The following MYO18B variants were observed in gnomAD, a reference collection of about 807,000 sequenced individuals.
The protein encoded by MYO18B is myosin XVIIIB, also known as unconventional myosin-XVIIIb.
In MYO18B, 204 loss-of-function variants were observed where a neutral mutation model predicts 273.0. The ratio of observed to expected loss-of-function variants is 0.75; its 90% CI spans 0.67 to 0.84. MYO18B has a LOEUF of 0.84. MYO18B is among the 40% of genes least tolerant of loss of function. The pLI is 0.00. For synonymous variants in MYO18B, 1,330 were observed against 1,305.7 expected (o/e 1.02, Z -0.40); for missense variants, 3,212 against 3,287.6 (o/e 0.98, Z 0.56).
In MYO18B at chr22:25,769,187, C is replaced by G; in HGVS notation, c.1271C>G (p.Thr424Arg). ...KGCEAPKEVS[T>R]MVESPAAPGK... Reference sequence around the variant, plus strand: ...TGTGAAGCCCCAAAGGAGGTGAGCACAATGGTGGAGTCGCCAGCAGCTCCT... The same window carrying G: ...TGTGAAGCCCCAAAGGAGGTGAGCAGAATGGTGGAGTCGCCAGCAGCTCCT... Residue 424 changes from threonine (T) to arginine (R), a missense_variant, in exon 4 of 44, where the codon ACA (threonine) becomes AGA (arginine). Thr to Arg is a moderately conservative substitution (Grantham distance 71). Coordinates refer to ENST00000335473, the MANE Select transcript of MYO18B (RefSeq NM_032608.7). The G allele has an allele frequency of 6.2e-7, 1 of 1,611,036 alleles. No homozygotes were observed. The highest frequency in any genetic ancestry group is 8.5e-7 in the Non-Finnish European group (1 of 1,178,754).
chr22:26,023,806 T>C (rs1347481943), intron 42 of MYO18B, among the ~76,000 whole-genome samples: 5 of 152,322 alleles, frequency 3.3e-5, no homozygotes, highest in Non-Finnish European at 7.3e-5. Context: ...TCCAAGCTGT[T>C]TATTAATAAA....
At chr22:26,052,304 T>A in the MYO18B span, among the ~76,000 whole-genome samples, 1 of 152,316 alleles carries the variant, frequency 6.6e-6, no homozygotes, top group South Asian at 2.1e-4. Flanking sequence ...TATTGATAAT[T>A]TCATACATTA....
At chr22:25,836,479 G>A (rs979249440) in intron 17 of MYO18B, among the ~76,000 whole-genome samples, 2 of 152,134 alleles carry the variant, frequency 1.3e-5, no homozygotes. Context: ...AGCAGCATAC[G>A]CAGCTTTATG....
chr22:25,769,234 A>G lies in MYO18B; in HGVS notation c.1318A>G (p.Ser440Gly), dbSNP rs1214196239. 6.3e-7 allele frequency: 1 copy of G among 1,599,554 alleles called. No homozygotes were observed. Among genetic ancestry groups the G allele is most frequent in the Non-Finnish European group, 8.5e-7 (1 of 1,173,452 alleles). Residue 440 changes from serine to glycine, a missense_variant, in exon 4 of 44, where the codon AGC (serine) becomes GGC (glycine). By Grantham distance (56) the Ser-to-Gly change is moderately conservative (BLOSUM62 0). Coordinates refer to ENST00000335473, the MANE Select transcript of MYO18B (RefSeq NM_032608.7). ...TCCTGGGAAGGGAGGCTGGCCAGGA[A>G]GCCGTGGGCAGGAAGCAGAGGAGCC... is the stretch of plus-strand genomic sequence containing the variant. Reference protein sequence around the residue: ...AAPGKGGWPGSRGQEAEEPCS... With the variant: ...AAPGKGGWPGGRGQEAEEPCS...
chr22:25,976,277 T>G (rs2093088636), intron 39 of MYO18B, among the ~76,000 whole-genome samples: 1 of 152,206 alleles, frequency 6.6e-6, no homozygotes, highest in Admixed American at 6.5e-5. Context: ...CAGTGTCTTT[T>G]GGTCAGAAAT....
chr22:26,027,225 A>G lies in MYO18B; in HGVS notation c.7251A>G (p.Glu2417=), dbSNP rs774433817. The part of the protein sequence containing the change: ...QNRQFAHLME[E]PLGSDPFSWK... ...GCCAGTTTGCCCACCTGATGGAGGA[A>G]CCTCTAGGCAGTGACCCATTCAGCT... Residue 2417 remains glutamate (E), a synonymous_variant, in exon 43 of 44, where the codon GAA becomes GAG. Coordinates refer to ENST00000335473, the MANE Select transcript of MYO18B (RefSeq NM_032608.7). This position sits in a 1 kb window ranked among gnomAD's most constrained non-coding sequence, Gnocchi z 4.1. 2 of 1,613,730 alleles carry G rather than the reference A, an allele frequency of 1.2e-6. No homozygotes were observed. Among genetic ancestry groups the G allele is most frequent in the Non-Finnish European group, 1.7e-6 (2 of 1,179,860 alleles).
intron 27 of MYO18B, 151 bp from the exon 28 acceptor site, chr22:25,895,005 A>G: frequency 2.2e-6 from 2 of 893,482 alleles, no homozygotes; most frequent in Non-Finnish European, 3.3e-6. Context: ...GAGTTAAAGC[A>G]TAGTTTCTTG....
chr22:25,915,680 G>T (rs1276458624), intron 33 of MYO18B, among the ~76,000 whole-genome samples: 1 of 152,130 alleles, frequency 6.6e-6, no homozygotes, highest in African/African-American at 2.4e-5. Flanking sequence ...TTGATAATCT[G>T]ATGACTTGTC....
At chr22:25,774,879 G>A (rs933313688) in intron 7 of MYO18B, among the ~76,000 whole-genome samples, 3 of 152,370 alleles carry the variant, frequency 2.0e-5, no homozygotes, top group South Asian at 2.1e-4. Context: ...GTGCGACCCC[G>A]TGGGTAGAGG....
chr22:25,941,177 AG>A (rs1336394050), intron 34 of MYO18B, among the ~76,000 whole-genome samples: 12 of 152,224 alleles, frequency 7.9e-5, no homozygotes, highest in Admixed American at 5.9e-4. Flanking sequence ...TGTGTTGTTG[AG>A]GGTCTATTGG....
chr22:25,763,457 T>C (rs928256591), intron 3 of MYO18B, 68 bp downstream of exon 3: 1 of 1,524,580 alleles, frequency 6.6e-7, no homozygotes. Flanking sequence ...GTGAGCTTCC[T>C]CTGAGTCATT....
At chr22:25,829,154 C>T (rs973743649) in intron 15 of MYO18B, among the ~76,000 whole-genome samples, 186 bp downstream of exon 15, 7 of 152,176 alleles carry the variant, frequency 4.6e-5, no homozygotes, top group African/African-American at 1.7e-4. Flanking sequence ...AGCCCAGCCT[C>T]CCCCTGCCAC....
At chr22:25,755,947 G>C (rs1468355608) in intron 1 of MYO18B, among the ~76,000 whole-genome samples, 1 of 151,762 alleles carries the variant, frequency 6.6e-6, no homozygotes, top group East Asian at 1.9e-4. Flanking sequence ...GCCCAGGCTG[G>C]AGTGCAGTGG....
chr22:25,849,870 T>G (rs6004796), intron 20 of MYO18B, among the ~76,000 whole-genome samples: 3 of 152,222 alleles, frequency 2.0e-5, no homozygotes, highest in African/African-American at 7.2e-5. Flanking sequence ...TTAGCCACTT[T>G]TACTATAATT....
intron 39 of MYO18B, among the ~76,000 whole-genome samples, chr22:25,983,708 C>T (rs1276196676): frequency 2.0e-5 from 3 of 152,250 alleles, no homozygotes; most frequent in Non-Finnish European, 4.4e-5. Context: ...AGGGAGAAGA[C>T]AGGATATCTT....
chr22:26,014,566 G>A (rs1349393145), intron 42 of MYO18B, among the ~76,000 whole-genome samples: 1 of 152,110 alleles, frequency 6.6e-6, no homozygotes. Flanking sequence ...TACTTTTCTG[G>A]CTTTCCAAGT....
intron 2 of MYO18B, 189 bp from the exon 3 acceptor site, chr22:25,763,042 C>G: frequency 1.3e-6 from 1 of 766,472 alleles, no homozygotes; most frequent in African/African-American, 1.7e-5. Flanking sequence ...GTTCCATTTT[C>G]ATGCGCTGTC....
rs549747501 is a variant in MYO18B, at chr22:25,999,927, A to G, written c.6288-3338A>G. Among the ~76,000 whole-genome samples, 63 of 152,268 alleles carry G rather than the reference A, an allele frequency of 4.1e-4. 1 individual carries two copies. Among genetic ancestry groups the G allele is most frequent in the African/African-American group, 1.5e-3 (61 of 41,572 alleles). On this transcript the variant is annotated intron_variant, in intron 40 of 43. Transcript: ENST00000335473. ...CCTCGCCTCCCAAAGTGCTGGGATT[A>G]CAGGCATGAGCCACCACGCCTGGCC...
intron 11 of MYO18B, among the ~76,000 whole-genome samples, chr22:25,789,910 T>A (rs1205110426): frequency 6.6e-6 from 1 of 152,218 alleles, no homozygotes. Flanking sequence ...CCCAGCACTT[T>A]GGGAGGCCAA....
Sources: allele counts gnomAD v4.1 joint callset (sites outside exome capture counted in the v4.1 genomes callset), GRCh38; gene constraint gnomAD v4.1.1; non-coding constraint Gnocchi (gnomAD v3.1); transcripts MANE v1.5; gene names NCBI Gene and HGNC (gene_info 2026-07-23, HGNC 2026-07-21).